Variants in PHF8 observed in about 807,000 individuals in gnomAD.
PHF8 encodes histone lysine demethylase PHF8.
Under a neutral mutation model 74.4 loss-of-function variants are expected in PHF8, and 9 were observed. The ratio of observed to expected loss-of-function variants is 0.12; its 90% CI spans 0.07 to 0.21. The LOEUF (loss-of-function observed/expected upper bound fraction) is 0.21, where lower values mean the gene tolerates loss of function less well. Among genes scored for constraint, PHF8 ranks in the 10% least tolerant of loss-of-function variants. The pLI, the probability that PHF8 is intolerant of heterozygous loss-of-function variation, is 1.00. For missense variants in PHF8, 478 were observed against 816.6 expected, an observed-to-expected ratio of 0.59 and a Z score of 5.05; for synonymous variants, 311 against 316.6, an observed-to-expected ratio of 0.98 and a Z score of 0.19.
intron 19 of PHF8, among the ~76,000 whole-genome samples, chrX:53,960,440 A>C (rs1328302203): frequency 2.7e-5 from 3 of 109,718 alleles, no homozygotes; most frequent in African/African-American, 9.9e-5. Context: ...ACAAAATTTT[A>C]AAGTACAGTG....
chrX:54,017,090 C>T (rs1417329024), intron 5 of PHF8, among the ~76,000 whole-genome samples: 1 of 112,698 alleles, frequency 8.9e-6, no homozygotes, highest in Non-Finnish European at 1.9e-5. Flanking sequence ...CAACAGAAGA[C>T]AGACAATGAT....
At chrX:54,044,656 G>A (rs782162514), upstream of PHF8, among the ~76,000 whole-genome samples, 4 of 113,041 alleles carry the variant, frequency 3.5e-5, no homozygotes, top group Non-Finnish European at 5.6e-5. Context: ...CGCCATCTTA[G>A]GCGAGGCAGA....
chrX:54,042,741 C>T lies in PHF8; in HGVS notation c.-13G>A. ...GCACCGAGGCCATCTTCGCTCGGCCCTGGAGCGTTCTGCGGCCGGCCAGGT... is the reference window on the plus strand; with the variant it reads ...GCACCGAGGCCATCTTCGCTCGGCCTTGGAGCGTTCTGCGGCCGGCCAGGT... On this transcript the variant is annotated 5_prime_UTR_variant, in exon 2 of 22. Coordinates refer to ENST00000338154, the MANE Select transcript of PHF8 (RefSeq NM_015107.3). 1.7e-6 allele frequency: 2 copies of T among 1,201,539 alleles called. No homozygotes were observed. Among genetic ancestry groups the T allele is most frequent in the Non-Finnish European group, 2.2e-6 (2 of 889,435 alleles).
chrX:54,005,969 T>C (rs1397325645), intron 8 of PHF8, among the ~76,000 whole-genome samples: 1 of 112,108 alleles, frequency 8.9e-6, no homozygotes, highest in African/African-American at 3.2e-5. Context: ...TTCCTTCTCT[T>C]GAGTTTTCTA....
intron 11 of PHF8, among the ~76,000 whole-genome samples, chrX:53,996,693 C>T (rs1557103005): frequency 1.8e-5 from 2 of 110,648 alleles, no homozygotes; most frequent in African/African-American, 6.6e-5. Flanking sequence ...ATTACAAGCA[C>T]GTACCACCAC....
Position 53,977,280 on chromosome X carries a change from A to C in PHF8, c.2443+7634T>G, listed in dbSNP as rs782268232. Among the ~76,000 whole-genome samples the C allele has an allele frequency of 2.7e-5, 3 of 112,522 alleles. No homozygotes were observed. The South Asian group carries it at 1.1e-3, about 41-fold the overall frequency. Reference sequence around the variant, plus strand: ...AACCCAGGAGGCAGAGGTTGCAGTGAGCCGAGATCGTGCCACTGCACTCCA... The same window carrying C: ...AACCCAGGAGGCAGAGGTTGCAGTGCGCCGAGATCGTGCCACTGCACTCCA... On this transcript the variant is annotated intron_variant, in intron 18 of 21. Transcript: ENST00000338154.
chrX:54,002,007 C>T (rs909911188), intron 10 of PHF8, 148 bp downstream of exon 10: 8 of 478,222 alleles, frequency 1.7e-5, no homozygotes, highest in African/African-American at 7.2e-5. Flanking sequence ...AACATATTTA[C>T]GGTACACAAC....
At chrX:54,022,670 T>A (rs1394028387) in intron 3 of PHF8, 88 bp downstream of exon 3, 1 of 599,556 alleles carries the variant, frequency 1.7e-6, no homozygotes, top group Non-Finnish European at 2.8e-6. Context: ...TCACAAGTGC[T>A]CAGGCAAAAG....
At chrX:53,945,594 C>T (rs995388531) in intron 19 of PHF8, among the ~76,000 whole-genome samples, 74 of 111,051 alleles carry the variant, frequency 6.7e-4, no homozygotes, top group African/African-American at 2.2e-3. Flanking sequence ...CCATATTCTG[C>T]TTCTGGCCCA....
chrX:54,000,005 A>G (rs782502961), intron 10 of PHF8, 44 bp from the exon 11 acceptor site: 3 of 828,092 alleles, frequency 3.6e-6, no homozygotes, highest in South Asian at 4.1e-5. Context: ...AAAGCCATGC[A>G]GGAAAGTGAA....
intron 2 of PHF8, among the ~76,000 whole-genome samples, chrX:54,037,524 G>C (rs1407678728): frequency 8.9e-6 from 1 of 112,207 alleles, no homozygotes; most frequent in Non-Finnish European, 1.9e-5. Context: ...TGGGATTATA[G>C]GCATGAATGA....
intron 4 of PHF8, among the ~76,000 whole-genome samples, chrX:54,020,851 AAT>A (rs2066158331): frequency 8.9e-6 from 1 of 112,353 alleles, no homozygotes; most frequent in South Asian, 3.7e-4. Context: ...TGGGAATGTA[AAT>A]TAGTTCAGCC....
At chrX:53,977,415 CTGTT>C (rs1557096492) in intron 18 of PHF8, among the ~76,000 whole-genome samples, 2 of 112,098 alleles carry the variant, frequency 1.8e-5, no homozygotes, top group East Asian at 5.5e-4. Context: ...TTCAAAATGT[CTGTT>C]TAATGACACT....
chrX:54,019,899 T>C (rs2066139730), intron 4 of PHF8, among the ~76,000 whole-genome samples: 2 of 109,987 alleles, frequency 1.8e-5, no homozygotes, highest in Admixed American at 2.0e-4. Context: ...TAAATAATAT[T>C]GGTGGCTGGG....
At chrX:54,019,682 T>C (rs1557109266) in intron 4 of PHF8, among the ~76,000 whole-genome samples, 1 of 104,981 alleles carries the variant, frequency 9.5e-6, no homozygotes, top group Non-Finnish European at 1.9e-5. Context: ...TCCCAGCTAC[T>C]TGGGAGGCTG....
At chrX:54,020,360 T>C (rs1456472721) in intron 4 of PHF8, among the ~76,000 whole-genome samples, 1 of 112,047 alleles carries the variant, frequency 8.9e-6, no homozygotes, top group Non-Finnish European at 1.9e-5. Context: ...TTACAGTATT[T>C]CTTTCTAATA....
intron 12 of PHF8, among the ~76,000 whole-genome samples, chrX:53,994,634 C>T (rs6612345): frequency 1.5e-4 from 17 of 112,572 alleles, no homozygotes; most frequent in African/African-American, 3.9e-4. Flanking sequence ...AAGTGAGAGG[C>T]GCTGGAGAAA....
chrX:53,976,827 G>A (rs1557096247), intron 18 of PHF8, among the ~76,000 whole-genome samples: 1 of 111,069 alleles, frequency 9.0e-6, no homozygotes, highest in African/African-American at 3.3e-5. Flanking sequence ...GAATAATAGG[G>A]GAATTCTACA....
chrX:53,939,355 G>A, intron 21 of PHF8, 109 bp from the exon 22 acceptor site: 1 of 611,386 alleles, frequency 1.6e-6, no homozygotes, highest in South Asian at 2.8e-5. Flanking sequence ...TACCCACAAA[G>A]TTTCTCCATC....
Sources: gnomAD v4.1 joint callset for allele counts (sites outside exome capture counted in the v4.1 genomes callset) on GRCh38, gnomAD v4.1.1 for gene constraint, MANE v1.5 for transcripts, NCBI Gene and HGNC (gene_info 2026-07-23, HGNC 2026-07-21) for gene names.